Variants in COL20A1 observed in about 807,000 individuals in gnomAD.
COL20A1 encodes the protein collagen type XX alpha 1 chain.
In COL20A1, 164 loss-of-function variants were observed where a neutral mutation model predicts 152.9. The observed-to-expected ratio is 1.07, with a 90% CI of 0.94 to 1.22. The LOEUF (loss-of-function observed/expected upper bound fraction) is 1.22, where lower values mean the gene tolerates loss of function less well. Among genes scored for constraint, COL20A1 ranks in the 50% most tolerant of loss-of-function variants. The pLI, the probability that COL20A1 is intolerant of heterozygous loss-of-function variation, is 0.00. For synonymous variants in COL20A1, 864 were observed against 756.0 expected (o/e 1.14, Z -2.34); for missense variants, 1,873 against 1,744.8 (o/e 1.07, Z -1.31).
intron 14 of COL20A1, 111 bp from the exon 15 acceptor site, chr20:63,312,309 C>T (rs4809528): frequency 0.058 from 75,357 of 1,294,810 alleles, 2,577 homozygotes; most frequent in South Asian, 0.1. Context: ...TTCCCCGTTT[C>T]TGGGGGGTCG....
At chr20:63,317,216 G>A (rs1428834610) in intron 21 of COL20A1, among the ~76,000 whole-genome samples, 2 of 152,190 alleles carry the variant, frequency 1.3e-5, no homozygotes, top group Non-Finnish European at 2.9e-5. Flanking sequence ...GTGTGGTGGT[G>A]CACACCTGCA....
In COL20A1 at chr20:63,315,389, GTC is replaced by G; in HGVS notation, c.2489-12_2489-11del. The G allele has an allele frequency of 1.3e-6, 2 of 1,571,678 alleles. No individual in the cohort carries two copies. The highest frequency in any genetic ancestry group is 1.7e-6 in the Non-Finnish European group (2 of 1,162,830). ...GGCCGCTCCCACTCACACTGACCCT[GTC>G]TCCTCTCAGCAGCCTGCCCAGCCCT... On this transcript the variant is annotated splice_polypyrimidine_tract_variant and intron_variant, in intron 19 of 35. Transcript: ENST00000358894.
At position 63,319,748 on chromosome 20, in the gene COL20A1, C is replaced by T. The variant is rs1286761370; in HGVS notation, c.2916+152C>T. On this transcript the variant is annotated intron_variant, in intron 23 of 35. Coordinates refer to ENST00000358894, the MANE Select transcript of COL20A1 (RefSeq NM_020882.4). The surrounding 1 kb of genome is among the most constrained non-coding windows in gnomAD (Gnocchi z 4.4). ...GACCTGGGGCTCTGTTCCTCTACCC[C>T]AGCTCTTCCATCTTAATTGGAGTTG... Among the ~76,000 whole-genome samples, 4 of 152,132 alleles carry T rather than the reference C, an allele frequency of 2.6e-5. No homozygotes were observed. In the South Asian group the frequency reaches 6.2e-4, roughly 24 times the overall value.
Position 63,305,621 on chromosome 20 carries a change from G to A in COL20A1, c.337+61G>A, listed in dbSNP as rs528357827. On this transcript the variant is annotated intron_variant, in intron 4 of 35. Coordinates refer to ENST00000358894, the MANE Select transcript of COL20A1 (RefSeq NM_020882.4). The surrounding 1 kb of genome is among the most constrained non-coding windows in gnomAD (Gnocchi z 4.9). ...TCCAGGCCGGGTCCCACCCTCCTCT[G>A]GGCTGGGGTCCCACCCTCCTCCAGG... is the stretch of plus-strand genomic sequence containing the variant. 2.0e-6 allele frequency: 3 copies of A among 1,505,122 alleles called. No individual in the cohort carries two copies. The highest frequency in any genetic ancestry group is 2.7e-6 in the Non-Finnish European group (3 of 1,122,448). The allele number at this position is 1,505,122 out of a possible 1,614,324, so 93.2% of individuals were successfully genotyped here.
In COL20A1 at chr20:63,328,439, G is replaced by C; in HGVS notation, c.3722G>C (p.Arg1241Pro). 1.2e-6 allele frequency: 2 copies of C among 1,612,446 alleles called. No individual in the cohort carries two copies. Among genetic ancestry groups the C allele is most frequent in the Non-Finnish European group, 1.7e-6 (2 of 1,179,660 alleles). The change falls in exon 34 of 36, where the codon CGC becomes CCC. Residue 1241 changes from arginine to proline, a missense_variant. Arg to Pro is a moderately radical substitution (Grantham distance 103, BLOSUM62 -2). Transcript: ENST00000358894. ...GTEPLGSPGTRSKALVPGEWG... is the reference protein window; with the variant it reads ...GTEPLGSPGTPSKALVPGEWG... ...GAGCCCCTGGGGTCCCCTGGCACCC[G>C]CAGCAAGGCCCTGGTTCCTGGAGAA...
Position 63,327,794 on chromosome 20 carries a change from AG to A in COL20A1, c.3529-156del, listed in dbSNP as rs1158897469. The stretch of plus-strand genomic sequence containing the variant: ...GCTCTCGGGTGCAGGCGAGGACCAC[AG>A]GCTCCTAGGATCTGGGAATTTGGGA... On this transcript the variant is annotated intron_variant, in intron 31 of 35. Coordinates refer to ENST00000358894, the MANE Select transcript of COL20A1 (RefSeq NM_020882.4). 11 of 714,890 alleles carry A rather than the reference AG, an allele frequency of 1.5e-5. No homozygotes were observed. In the East Asian group the frequency reaches 2.7e-4, roughly 18 times the overall value. The allele number at this position is 714,890 out of a possible 1,614,324, so 44.3% of individuals were successfully genotyped here.
chr20:63,311,469 C>T lies in COL20A1; in HGVS notation c.1469C>T (p.Ser490Leu), dbSNP rs754774789. Residue 490 changes from serine (S) to leucine (L), a missense_variant, in exon 12 of 36, where the codon TCG (serine) becomes TTG (leucine). Coordinates refer to ENST00000358894, the MANE Select transcript of COL20A1 (RefSeq NM_020882.4). The surrounding 1 kb of genome is among the most constrained non-coding windows in gnomAD (Gnocchi z 4.4). ...ACCGTCCACCTCACCTGGCAGCCCT[C>T]GGCCGGGGCCACCCACTACCTGGTG... ...PRTVHLTWQP[S>L]AGATHYLVRC... 37 of 1,574,388 alleles carry T rather than the reference C, an allele frequency of 2.4e-5. No homozygotes were observed. The highest frequency in any genetic ancestry group is 3.4e-4 in the Middle Eastern group (2 of 5,826).
At chr20:63,329,203 TG>T in intron 34 of COL20A1, 1 of 226,296 alleles carries the variant, frequency 4.4e-6, no homozygotes, top group Non-Finnish European at 8.7e-6. Flanking sequence ...CCGTGGGCTG[TG>T]GGAACCCCTG....
intron 3 of COL20A1, among the ~76,000 whole-genome samples, chr20:63,298,264 C>T (rs534586112): frequency 9.8e-5 from 15 of 152,324 alleles, no homozygotes; most frequent in African/African-American, 3.6e-4. Flanking sequence ...TCAGTACATA[C>T]TTTTAATTTT....
rs2068000356 is a variant in COL20A1, at chr20:63,311,178, G to A, written c.1394-216G>A. 6.6e-6 allele frequency among the ~76,000 whole-genome samples: 1 copy of A among 152,192 alleles called. No homozygotes were observed. The highest frequency in any genetic ancestry group is 2.4e-5 in the African/African-American group (1 of 41,432). ...GCCACATTCCTCCCATGACCTCAAG[G>A]CAGATGGCCTTAGACAAAACTGTGG... On this transcript the variant is annotated intron_variant, in intron 11 of 35. Coordinates refer to ENST00000358894, the MANE Select transcript of COL20A1 (RefSeq NM_020882.4). The surrounding 1 kb of genome is among the most constrained non-coding windows in gnomAD (Gnocchi z 4.4).
In COL20A1 at chr20:63,305,549, G is replaced by C. The variant is rs759909808; in HGVS notation, c.326G>C (p.Arg109Thr). The change falls in exon 4 of 36, where the codon AGG becomes ACG. Residue 109 changes from arginine to threonine, a missense_variant. Physicochemically the swap from Arg to Thr is moderately conservative, Grantham distance 71. Transcript: ENST00000358894. This position sits in a 1 kb window ranked among gnomAD's most constrained non-coding sequence, Gnocchi z 4.9. Reference sequence around the variant, plus strand: ...TCTGGGCGCTTCCTGCTAGCTCGGAGGGAGTTTGTGAGTAAGTCCACCGTC... The same window carrying C: ...TCTGGGCGCTTCCTGCTAGCTCGGACGGAGTTTGTGAGTAAGTCCACCGTC... ...TGSGRFLLAR[R>T]EFVIEDLKSS... The C allele has an allele frequency of 1.4e-5, 22 of 1,598,130 alleles. No individual in the cohort carries two copies. Among genetic ancestry groups the C allele is most frequent in the Non-Finnish European group, 1.8e-5 (21 of 1,173,630 alleles).
rs925831492 is a variant in COL20A1 at position 63,298,138 on chromosome 20, C to T, written c.193+118C>T. On this transcript the variant is annotated intron_variant, in intron 3 of 35. Coordinates refer to ENST00000358894, the MANE Select transcript of COL20A1 (RefSeq NM_020882.4). ...ATCCCTCCCACCAGCCCCTTAGTGT[C>T]AGCACCTCTCTGGCCTTGGTCTCTG... 26 of 648,332 alleles carry T rather than the reference C, an allele frequency of 4.0e-5. No individual in the cohort carries two copies. In the African/African-American group the frequency reaches 4.7e-4, roughly 12 times the overall value. 40.2% of individuals were successfully genotyped at this position (648,332 alleles called of 1,614,324 possible).
At chr20:63,317,570 T>C (rs1417700373) in intron 21 of COL20A1, among the ~76,000 whole-genome samples, 1 of 151,984 alleles carries the variant, frequency 6.6e-6, no homozygotes, top group Non-Finnish European at 1.5e-5. Flanking sequence ...CCTAGCACTG[T>C]TGGGGCTTAG....
At chr20:63,304,955 C>T (rs2067904706) in intron 3 of COL20A1, among the ~76,000 whole-genome samples, 1 of 152,206 alleles carries the variant, frequency 6.6e-6, no homozygotes, top group Admixed American at 6.5e-5. Context: ...CCAGACCTAA[C>T]TTTAGAATCA....
At position 63,298,043 on chromosome 20, in the gene COL20A1, C is replaced by T. The variant is rs1292822090; in HGVS notation, c.193+23C>T. The T allele has an allele frequency of 3.3e-6, 5 of 1,534,828 alleles. No homozygotes were observed. In the South Asian group the frequency reaches 4.5e-5, roughly 14 times the overall value. On this transcript the variant is annotated intron_variant, in intron 3 of 35. Coordinates refer to ENST00000358894, the MANE Select transcript of COL20A1 (RefSeq NM_020882.4). ...CAGGTGAGGACCTGCCCCTCCCAGG[C>T]CCCCTTCCCCATTAGCACGTGCCGA... is the stretch of plus-strand genomic sequence containing the variant.
intron 31 of COL20A1, 99 bp downstream of exon 31, chr20:63,326,922 A>C: frequency 4.3e-5 from 34 of 798,900 alleles, no homozygotes; most frequent in Non-Finnish European, 5.2e-5. Flanking sequence ...CTGACAGCTC[A>C]GGGACTTCCT....
rs769040298 is a variant in COL20A1 at position 63,319,115 on chromosome 20, A to G, written c.2721A>G (p.Leu907=). 6.8e-6 allele frequency: 11 copies of G among 1,610,482 alleles called. No individual in the cohort carries two copies. The highest frequency in any genetic ancestry group is 4.1e-5 in the African/African-American group (3 of 73,758). Residue 907 remains leucine (L), a synonymous_variant, in exon 22 of 36, where the codon CTA becomes CTG. Transcript: ENST00000358894. The surrounding 1 kb of genome is among the most constrained non-coding windows in gnomAD (Gnocchi z 4.4). ...PEHTIVFLVR[L]LPETPREAFA... ...ACACCATCGTCTTCCTTGTGCGCCT[A>G]CTTCCCGAGACACCCCGTGAGGCCT...
At chr20:63,317,744 C>T (rs1055152814) in intron 21 of COL20A1, among the ~76,000 whole-genome samples, 6 of 151,902 alleles carry the variant, frequency 3.9e-5, no homozygotes, top group African/African-American at 1.2e-4. Context: ...CTGCACATGC[C>T]CCCTGTGCTC....
intron 21 of COL20A1, 24 bp downstream of exon 21, chr20:63,316,715 G>A: frequency 6.6e-7 from 1 of 1,507,012 alleles, no homozygotes; most frequent in Non-Finnish European, 8.9e-7. Flanking sequence ...GGCTGGGGTG[G>A]AGCTGGAAGC....
Sources: allele counts gnomAD v4.1 joint callset (sites outside exome capture counted in the v4.1 genomes callset), GRCh38; gene constraint gnomAD v4.1.1; non-coding constraint Gnocchi (gnomAD v3.1); transcripts MANE v1.5; gene names NCBI Gene and HGNC (gene_info 2026-07-23, HGNC 2026-07-21).